CSMD1: variants seen among roughly 807,000 people sequenced by gnomAD.
The protein encoded by CSMD1 is CUB and Sushi multiple domains 1.
CSMD1 carries 213 observed loss-of-function variants against 417.5 expected under a neutral mutation model. That is an observed-to-expected ratio of 0.51 (90% CI 0.46 to 0.57). CSMD1 has a LOEUF of 0.57. CSMD1 is among the 20% of genes least tolerant of loss of function. The probability of loss-of-function intolerance (pLI) is 0.00; values close to 1 mark genes in which losing one functional copy is unlikely to be tolerated. For missense variants in CSMD1, 6,923 were observed against 4,529.7 expected (o/e 1.53, Z -15.17); for synonymous variants, 2,862 against 1,736.8 (o/e 1.65, Z -16.11).
chr8:3,520,014 A>G lies in CSMD1; in HGVS notation c.1345-26288T>C, dbSNP rs564812105. Among the ~76,000 whole-genome samples, 267 of 138,468 alleles carry G rather than the reference A, an allele frequency of 1.9e-3. 4 individuals carry two copies. The highest frequency in any genetic ancestry group is 6.2e-3 in the African/African-American group (219 of 35,328). 90.8% of individuals were successfully genotyped at this position (138,468 alleles called of 152,430 possible). A position where few individuals can be genotyped will look rare whatever the true frequency, so the allele number is the denominator to read the frequency against. On this transcript the variant is annotated intron_variant, in intron 10 of 69. Coordinates refer to ENST00000635120, the MANE Select transcript of CSMD1 (RefSeq NM_033225.6). ...TGTGCATATATATGTGTGTGTGTGT[A>G]TATACCTATATATATATATATATAT...
chr8:4,536,428 C>G (rs1797106030), intron 2 of CSMD1, among the ~76,000 whole-genome samples: 2 of 152,078 alleles, frequency 1.3e-5, no homozygotes, highest in Admixed American at 1.3e-4. Flanking sequence ...TATGGATACT[C>G]TCAGCCATTT....
At chr8:4,774,972 G>C (rs1310782507) in intron 1 of CSMD1, among the ~76,000 whole-genome samples, 1 of 152,204 alleles carries the variant, frequency 6.6e-6, no homozygotes, top group East Asian at 1.9e-4. Context: ...AACCCCTTTT[G>C]TTTACAAATT....
In CSMD1 at chr8:4,100,484, C is replaced by G. The variant is rs531864352; in HGVS notation, c.416-68385G>C. Among the ~76,000 whole-genome samples the G allele has an allele frequency of 3.3e-5, 5 of 152,198 alleles. 1 individual carries two copies. The East Asian group carries it at 9.7e-4, about 29-fold the overall frequency. On this transcript the variant is annotated intron_variant, in intron 3 of 69. Transcript: ENST00000635120. ...CAAATGTTGCTTAACTTTTCTAAGC[C>G]TTAGTCTCATCAACTATAAAATGGA...
chr8:4,805,339 T>C (rs146059527), intron 1 of CSMD1, among the ~76,000 whole-genome samples: 2 of 152,228 alleles, frequency 1.3e-5, no homozygotes, highest in African/African-American at 4.8e-5. Flanking sequence ...CCTCTGAAAA[T>C]TGTGAAGCAC....
At chr8:3,340,487 G>A (rs554418509) in intron 23 of CSMD1, among the ~76,000 whole-genome samples, 37 of 151,998 alleles carry the variant, frequency 2.4e-4, no homozygotes, top group Non-Finnish European at 4.4e-4. Context: ...AAATACTAAT[G>A]TTTCCTTAAG....
At chr8:4,831,343 C>T (rs1180402240) in intron 1 of CSMD1, among the ~76,000 whole-genome samples, 1 of 152,108 alleles carries the variant, frequency 6.6e-6, no homozygotes, top group African/African-American at 2.4e-5. Context: ...TACTGCAATA[C>T]CTTATAATTA....
chr8:3,664,080 G>A (rs1250558607), intron 7 of CSMD1, among the ~76,000 whole-genome samples: 1 of 152,122 alleles, frequency 6.6e-6, no homozygotes, highest in East Asian at 1.9e-4. Context: ...TGTGCACAAT[G>A]TGCACGTTTG....
At chr8:3,243,129 G>C (rs1272078048) in intron 26 of CSMD1, among the ~76,000 whole-genome samples, 2 of 152,170 alleles carry the variant, frequency 1.3e-5, no homozygotes, top group African/African-American at 2.4e-5. Flanking sequence ...AAGTGGTTGA[G>C]GGATAGTGAG....
At chr8:4,549,093 G>T (rs1051430960) in intron 2 of CSMD1, among the ~76,000 whole-genome samples, 1 of 151,748 alleles carries the variant, frequency 6.6e-6, no homozygotes. Context: ...ACTTCCATAA[G>T]TTTGACTTAA....
rs747243348 is a variant in CSMD1 at position 3,047,980 on chromosome 8, T to C, written c.7660+4482A>G. On this transcript the variant is annotated intron_variant, in intron 50 of 69. Transcript: ENST00000635120. ...GACGGTGATAGACTGAAGGTTCTTG[T>C]TCATTTTGTCAATCTGTGAAGTAAC... Among the ~76,000 whole-genome samples, 3 of 152,242 alleles carry C rather than the reference T, an allele frequency of 2.0e-5. No individual in the cohort carries two copies. In the South Asian group the frequency reaches 6.2e-4, roughly 32 times the overall value.
chr8:4,408,739 C>T (rs1251089403), intron 3 of CSMD1, among the ~76,000 whole-genome samples: 2 of 152,078 alleles, frequency 1.3e-5, no homozygotes, highest in South Asian at 4.1e-4. Flanking sequence ...TAGAGGTCAA[C>T]AGAGTATCTA....
chr8:4,779,542 G>A (rs995450603), intron 1 of CSMD1, among the ~76,000 whole-genome samples: 3 of 152,226 alleles, frequency 2.0e-5, no homozygotes, highest in South Asian at 2.1e-4. Flanking sequence ...TTAACCAAGG[G>A]TTATAAATGT....
chr8:3,950,480 T>A (rs530969244), intron 5 of CSMD1, among the ~76,000 whole-genome samples: 8 of 152,306 alleles, frequency 5.3e-5, no homozygotes, highest in Admixed American at 2.6e-4. Flanking sequence ...TGCACAAACA[T>A]AACACGCCCC....
intron 2 of CSMD1, among the ~76,000 whole-genome samples, chr8:4,428,656 T>C (rs573523984): frequency 6.6e-6 from 1 of 152,298 alleles, no homozygotes; most frequent in South Asian, 2.1e-4. Context: ...TTAGGGCTTA[T>C]TAAAATAGCT....
At chr8:3,434,080 T>C (rs779887625) in intron 12 of CSMD1, among the ~76,000 whole-genome samples, 1 of 152,204 alleles carries the variant, frequency 6.6e-6, no homozygotes, top group African/African-American at 2.4e-5. Flanking sequence ...CCTGAGGTCT[T>C]AGTAGCATCT....
intron 3 of CSMD1, among the ~76,000 whole-genome samples, chr8:4,323,089 G>A (rs1288328854): frequency 2.0e-5 from 3 of 152,174 alleles, no homozygotes; most frequent in East Asian, 3.9e-4. Context: ...CGAAGGAATG[G>A]AAAAATCATA....
At chr8:3,696,433 T>TGG (rs1375642309) in intron 7 of CSMD1, among the ~76,000 whole-genome samples, 25 of 152,354 alleles carry the variant, frequency 1.6e-4, no homozygotes, top group African/African-American at 6.0e-4. Flanking sequence ...TAAGCTACCA[T>TGG]GGACTGCTTC....
chr8:4,095,736 G>C (rs1278328264), intron 3 of CSMD1, among the ~76,000 whole-genome samples: 1 of 152,134 alleles, frequency 6.6e-6, no homozygotes, highest in South Asian at 2.1e-4. Flanking sequence ...TTCAAGTCAC[G>C]TAGTTTTATT....
intron 1 of CSMD1, among the ~76,000 whole-genome samples, chr8:4,975,808 C>A (rs1294227081): frequency 6.6e-6 from 1 of 151,804 alleles, no homozygotes. Flanking sequence ...ATAGTGTATG[C>A]ATTTTTTTTG....
Sources: gnomAD v4.1 joint callset for allele counts (sites outside exome capture counted in the v4.1 genomes callset) on GRCh38, gnomAD v4.1.1 for gene constraint, MANE v1.5 for transcripts, NCBI Gene and HGNC (gene_info 2026-07-23, HGNC 2026-07-21) for gene names.